Variants in RESF1 observed in about 807,000 individuals in gnomAD.
RESF1 encodes the protein retroelement silencing factor 1, also known as gonad expressed transcript.
A neutral mutation model predicts 134.7 loss-of-function variants in RESF1; 65 were observed. That is an observed-to-expected ratio of 0.48 (90% CI 0.40 to 0.59). The LOEUF is 0.59. Ranked by LOEUF, RESF1 falls within the 20% of genes least tolerant of loss-of-function variation. RESF1 has a pLI of 0.00. For synonymous variants in RESF1, 762 were observed against 702.2 expected, an observed-to-expected ratio of 1.09 and a Z score of -1.35; for missense variants, 2,274 against 2,002.7, an observed-to-expected ratio of 1.14 and a Z score of -2.59.
At chr12:31,962,230 A>G (rs2120749376) in intron 2 of RESF1, among the ~76,000 whole-genome samples, 1 of 152,084 alleles carries the variant, frequency 6.6e-6, no homozygotes, top group South Asian at 2.1e-4. Flanking sequence ...TAAAAAAAAA[A>G]AAAAAAAAGC....
chr12:31,982,090 A>G lies in RESF1; in HGVS notation c.1135A>G (p.Thr379Ala). The G allele has an allele frequency of 6.2e-7, 1 of 1,614,204 alleles. No homozygotes were observed. The highest frequency in any genetic ancestry group is 8.5e-7 in the Non-Finnish European group (1 of 1,180,044). Residue 379 changes from threonine to alanine, a missense_variant, in exon 4 of 6, where the codon ACT becomes GCT. Thr to Ala is a moderately conservative substitution (Grantham distance 58). Transcript: ENST00000312561. ...EEKIMDSCNP[T>A]SNQVLDTSVA... ...GAAAATAATGGATTCTTGCAATCCA[A>G]CTTCAAATCAAGTACTGGACACAAG...
rs773750982 is a variant in RESF1 at position 31,984,601 on chromosome 12, AAAC to A, written c.3649_3651del (p.Gln1217del). On this transcript the variant is annotated inframe_deletion, in exon 4 of 6. Transcript: ENST00000312561. The stretch of plus-strand genomic sequence containing the variant: ...TTCTCCTTTGGATACCAACAGTTGT[AAAC>A]AAGGAGAGAGAACTTCTGATAGAGA... 1.8e-5 allele frequency: 28 copies of A among 1,578,332 alleles called. No homozygotes were observed. In the Admixed American group the frequency reaches 2.7e-4, roughly 15 times the overall value.
Position 31,983,824 on chromosome 12 carries a change from G to A in RESF1, c.2869G>A (p.Asp957Asn). The A allele has an allele frequency of 6.2e-7, 1 of 1,612,886 alleles. No individual in the cohort carries two copies. The highest frequency in any genetic ancestry group is 1.1e-5 in the South Asian group (1 of 90,996). The change falls in exon 4 of 6, where the codon GAT (aspartate) becomes AAT (asparagine). Residue 957 changes from aspartate (D) to asparagine (N), a missense_variant. Asp to Asn is a conservative substitution (Grantham distance 23, BLOSUM62 1). Transcript: ENST00000312561. Reference protein sequence around the residue: ...TENKDFGFQKDKPVQCTDVSH... With the variant: ...TENKDFGFQKNKPVQCTDVSH... ...AAATAAAGACTTTGGTTTTCAAAAAGATAAACCTGTACAGTGCACAGATGT... is the reference window on the plus strand; with the variant it reads ...AAATAAAGACTTTGGTTTTCAAAAAAATAAACCTGTACAGTGCACAGATGT...
chr12:31,987,301 CAG>C lies in RESF1; in HGVS notation c.5067_5068del (p.Lys1690ArgfsTer7), dbSNP rs777836036. 18 of 1,601,976 alleles carry C rather than the reference CAG, an allele frequency of 1.1e-5. No homozygotes were observed. The highest frequency in any genetic ancestry group is 1.5e-5 in the Non-Finnish European group (17 of 1,170,200). ...ATTTGTTGCTACAAAGAAAAGGACA[CAG>C]AAAGACAGCCAAGAGAGAGGTAAAG... is the stretch of plus-strand genomic sequence containing the variant. ...LKFVATKKRT[Q>X]KDSQERDNVN... On this transcript the variant is annotated frameshift_variant, in exon 5 of 6. Coordinates refer to ENST00000312561, the MANE Select transcript of RESF1 (RefSeq NM_018169.4). LOFTEE classifies it low-confidence loss of function (END_TRUNC).
chr12:31,988,286 T>G (rs1940018223), intron 5 of RESF1, among the ~76,000 whole-genome samples: 1 of 152,170 alleles, frequency 6.6e-6, no homozygotes, highest in Admixed American at 6.6e-5. Flanking sequence ...CCTCCGTATC[T>G]GCGTGTTCCG....
At chr12:31,978,238 G>A (rs970146344) in intron 3 of RESF1, among the ~76,000 whole-genome samples, 1 of 152,106 alleles carries the variant, frequency 6.6e-6, no homozygotes, top group Non-Finnish European at 1.5e-5. Context: ...TATTTTAAAA[G>A]ATTACTGCTG....
At chr12:31,991,696 A>G (rs2120911211) in intron 5 of RESF1, among the ~76,000 whole-genome samples, 1 of 152,272 alleles carries the variant, frequency 6.6e-6, no homozygotes, top group East Asian at 1.9e-4. Flanking sequence ...ATATCGGCTC[A>G]CTGCAACCTC....
chr12:31,981,058 A>G lies in RESF1; in HGVS notation c.103A>G (p.Thr35Ala). ...GTCTTTAATAAACCAAATTACCACA[A>G]CATCTCAGAGTTCTTTCAGCTATCC... ...HQSLINQITT[T>A]SQSSFSYPGS... The change falls in exon 4 of 6, where the codon ACA becomes GCA. Residue 35 changes from threonine (T) to alanine (A), a missense_variant. Transcript: ENST00000312561. 6.2e-7 allele frequency: 1 copy of G among 1,614,138 alleles called. No homozygotes were observed. Among genetic ancestry groups the G allele is most frequent in the Non-Finnish European group, 8.5e-7 (1 of 1,180,006 alleles).
At position 31,981,415 on chromosome 12, in the gene RESF1, A is replaced by G; in HGVS notation, c.460A>G (p.Ser154Gly). The G allele has an allele frequency of 1.2e-6, 2 of 1,614,164 alleles. No individual in the cohort carries two copies. Among genetic ancestry groups the G allele is most frequent in the Non-Finnish European group, 1.7e-6 (2 of 1,180,008 alleles). ...CGTACCCAATATGCCGGCACTACAG[A>G]GTCAACTGATAACATCAGATACCTA... The part of the protein sequence containing the change: ...ANVPNMPALQ[S>G]QLITSDTYSM... The change falls in exon 4 of 6, where the codon AGT (serine) becomes GGT (glycine). Residue 154 changes from serine to glycine, a missense_variant. Ser to Gly is a moderately conservative substitution (Grantham distance 56). Transcript: ENST00000312561.
At chr12:31,960,127 A>G (rs573134732) in intron 1 of RESF1, among the ~76,000 whole-genome samples, 84 of 152,224 alleles carry the variant, frequency 5.5e-4, no homozygotes, top group African/African-American at 2.0e-3. Context: ...TCCTTGAGGC[A>G]TTTTTAAATG....
intron 3 of RESF1, among the ~76,000 whole-genome samples, chr12:31,972,651 C>T (rs1211573841): frequency 6.6e-6 from 1 of 150,718 alleles, no homozygotes; most frequent in Non-Finnish European, 1.5e-5. Flanking sequence ...CAGGACTGAG[C>T]CCTAAACTGA....
intron 4 of RESF1, 81 bp from the exon 5 acceptor site, chr12:31,987,158 G>A: frequency 1.3e-6 from 1 of 747,990 alleles, no homozygotes; most frequent in Non-Finnish European, 2.3e-6. Context: ...TCTATTTTCA[G>A]CTTACATGAT....
At chr12:31,969,595 C>T (rs536999265) in intron 2 of RESF1, among the ~76,000 whole-genome samples, 28 of 152,296 alleles carry the variant, frequency 1.8e-4, no homozygotes, top group Non-Finnish European at 3.4e-4. Flanking sequence ...CAGACCTGGC[C>T]ACCATGCCAT....
chr12:31,979,291 G>T (rs556766208), intron 3 of RESF1, among the ~76,000 whole-genome samples: 111 of 152,204 alleles, frequency 7.3e-4, no homozygotes, highest in Non-Finnish European at 1.1e-3. Flanking sequence ...ATACCAACTG[G>T]GTGGCTTGTG....
intron 5 of RESF1, among the ~76,000 whole-genome samples, chr12:31,987,693 A>C (rs1057078789): frequency 1.3e-5 from 2 of 151,742 alleles, no homozygotes; most frequent in African/African-American, 4.8e-5. Context: ...TAATATGTAG[A>C]TGAGTATCAG....
At chr12:31,962,134 G>T (rs1333231462) in intron 2 of RESF1, among the ~76,000 whole-genome samples, 2 of 151,770 alleles carry the variant, frequency 1.3e-5, no homozygotes, top group Non-Finnish European at 2.9e-5. Flanking sequence ...TACTCAAGTG[G>T]CTGAACCCAG....
intron 3 of RESF1, among the ~76,000 whole-genome samples, chr12:31,973,483 T>C (rs1392173676): frequency 6.6e-6 from 1 of 151,924 alleles, no homozygotes; most frequent in African/African-American, 2.4e-5. Flanking sequence ...ACACTTGGAG[T>C]TTCTTCTGCA....
At chr12:31,972,009 C>T (rs1246760109) in intron 3 of RESF1, among the ~76,000 whole-genome samples, 5 of 152,202 alleles carry the variant, frequency 3.3e-5, no homozygotes, top group Non-Finnish European at 7.4e-5. Flanking sequence ...TCCATAAAAC[C>T]GGAAAGGATA....
In RESF1 at chr12:31,992,494, G is replaced by A; in HGVS notation, c.5203G>A (p.Glu1735Lys). The A allele has an allele frequency of 6.2e-7, 1 of 1,614,012 alleles. No homozygotes were observed. The highest frequency in any genetic ancestry group is 8.5e-7 in the Non-Finnish European group (1 of 1,179,962). ...MFQTYKQMYL[E>K]KRSRSLGSSP... Reference sequence around the variant, plus strand: ...TCAAACCTACAAACAGATGTACCTGGAGAAGAGAAGCAGAAGCCTTGGTAG... The same window carrying A: ...TCAAACCTACAAACAGATGTACCTGAAGAAGAGAAGCAGAAGCCTTGGTAG... Residue 1735 changes from glutamate (E) to lysine (K), a missense_variant, in exon 6 of 6, where the codon GAG (glutamate) becomes AAG (lysine). Glu to Lys is a moderately conservative substitution (Grantham distance 56). Transcript: ENST00000312561.
Sources: gnomAD v4.1 joint callset for allele counts (sites outside exome capture counted in the v4.1 genomes callset) on GRCh38, gnomAD v4.1.1 for gene constraint, MANE v1.5 for transcripts, NCBI Gene and HGNC (gene_info 2026-07-23, HGNC 2026-07-21) for gene names.